The following EIF2B5 variants were observed in gnomAD, a reference collection of about 807,000 sequenced individuals.
EIF2B5 encodes the protein translation initiation factor eIF2B subunit epsilon.
Under a neutral mutation model 87.3 loss-of-function variants are expected in EIF2B5, and 38 were observed. The ratio of observed to expected loss-of-function variants is 0.44; its 90% CI spans 0.34 to 0.57. EIF2B5 has a LOEUF of 0.57. Among genes scored for constraint, EIF2B5 ranks in the 20% least tolerant of loss-of-function variants. The pLI is 0.02. For synonymous variants in EIF2B5, 313 were observed against 339.6 expected (o/e 0.92, Z 0.86); for missense variants, 784 against 909.5 (o/e 0.86, Z 1.78).
At chr3:184,140,297 AAAG>A in intron 6 of EIF2B5, 118 bp from the exon 7 acceptor site, 1 of 1,415,398 alleles carries the variant, frequency 7.1e-7, no homozygotes, top group Non-Finnish European at 1.0e-6. Context: ...AACAGTACAC[AAAG>A]AAGAATCTTT....
At position 184,137,765 on chromosome 3, in the gene EIF2B5, A is replaced by C; in HGVS notation, c.466A>C (p.Ile156Leu). 1 of 1,614,190 alleles carries C rather than the reference A, an allele frequency of 6.2e-7. No homozygotes were observed. Among genetic ancestry groups the C allele is most frequent in the Non-Finnish European group, 8.5e-7 (1 of 1,180,030 alleles). The change falls in exon 3 of 16, where the codon ATC (isoleucine) becomes CTC (leucine). Residue 156 changes from isoleucine (I) to leucine (L), a missense_variant. Physicochemically the swap from Ile to Leu is conservative, Grantham distance 5. This residue lies in a region of EIF2B5 where 660 missense variants were observed against 789.5 expected (regional missense o/e 0.84). Coordinates refer to ENST00000648915, the MANE Select transcript of EIF2B5 (RefSeq NM_003907.3). ...SDFLLVYGDV[I>L]SNINITRALE... ...CTTTCTTCTGGTGTATGGGGATGTCATCTCAAACATCAATATCACCAGAGC... is the reference window on the plus strand; with the variant it reads ...CTTTCTTCTGGTGTATGGGGATGTCCTCTCAAACATCAATATCACCAGAGC...
In EIF2B5 at chr3:184,140,519, C is replaced by T; in HGVS notation, c.945C>T (p.Arg315=). The change falls in exon 7 of 16, where the codon CGC becomes CGT. Residue 315 remains arginine (R), a synonymous_variant. Transcript: ENST00000648915. ...MYSAVCADVI[R]RWVYPLTPEA... is the part of the protein sequence containing the mutation. ...CAGCTGTCTGTGCTGACGTCATCCGCCGATGGGTCTACCCTCTCACCCCAG... is the reference window on the plus strand; with the variant it reads ...CAGCTGTCTGTGCTGACGTCATCCGTCGATGGGTCTACCCTCTCACCCCAG... 6.2e-7 allele frequency: 1 copy of T among 1,614,200 alleles called. No homozygotes were observed. Among genetic ancestry groups the T allele is most frequent in the Non-Finnish European group, 8.5e-7 (1 of 1,180,038 alleles).
chr3:184,135,460 A>C lies in EIF2B5; in HGVS notation c.75A>C (p.Gly25=), dbSNP rs1713303669. Residue 25 remains glycine, a synonymous_variant, in exon 1 of 16, where the codon GGA becomes GGC. Transcript: ENST00000648915. ...ACAAGCGCAGCGGCGCGGGGCCGGG[A>C]GGCAGCGGTGGCGGGGGAGCCAGAG... ...RANKRSGAGP[G]GSGGGGARGA... The C allele has an allele frequency of 6.3e-7, 1 of 1,581,280 alleles. No individual in the cohort carries two copies. Among genetic ancestry groups the C allele is most frequent in the African/African-American group, 1.3e-5 (1 of 74,672 alleles).
rs963477013 is a variant in EIF2B5, at chr3:184,144,910, A to G, written c.2133A>G (p.Lys711=). ...TGCAGAGGTTCATCCAGTGGCTAAA[A>G]GAGGCAGAAGAGGAGTCATCTGAAG... ...QQLQRFIQWL[K]EAEEESSEDD Residue 711 remains lysine, a synonymous_variant, in exon 16 of 16, where the codon AAA becomes AAG. Transcript: ENST00000648915. 4 of 1,613,766 alleles carry G rather than the reference A, an allele frequency of 2.5e-6. No homozygotes were observed. Among genetic ancestry groups the G allele is most frequent in the African/African-American group, 1.3e-5 (1 of 75,030 alleles).
chr3:184,135,618 G>A (rs774545561), intron 1 of EIF2B5, 38 bp downstream of exon 1: 1 of 1,560,944 alleles, frequency 6.4e-7, no homozygotes. Flanking sequence ...AGGGCAGGAA[G>A]GGTGGCAGGG....
intron 14 of EIF2B5, 95 bp downstream of exon 14, chr3:184,144,319 C>T: frequency 3.8e-6 from 6 of 1,565,554 alleles, no homozygotes; most frequent in East Asian, 2.2e-5. Context: ...TAATGTGAAT[C>T]CAGTATGGAC....
rs921060156 is a variant in EIF2B5, at chr3:184,142,092, G to A, written c.1302+22G>A. ...CCAGGTGAGACCTGATCTATACTGTGCACAGGCCCTGAATTGCATGGCAGT... is the reference window on the plus strand; with the variant it reads ...CCAGGTGAGACCTGATCTATACTGTACACAGGCCCTGAATTGCATGGCAGT... On this transcript the variant is annotated intron_variant, in intron 8 of 15. Transcript: ENST00000648915. The surrounding 1 kb of genome is among the most constrained non-coding windows in gnomAD (Gnocchi z 5.0). The A allele has an allele frequency of 6.2e-7, 1 of 1,614,126 alleles. No individual in the cohort carries two copies. The highest frequency in any genetic ancestry group is 8.5e-7 in the Non-Finnish European group (1 of 1,180,036).
In EIF2B5 at chr3:184,143,042, T is replaced by C; in HGVS notation, c.1655-10T>C. ...GTTGGCCCATGAACTTATCCTTGCT[T>C]TGATTTCAGTGTTCCAGAATGAAGT... On this transcript the variant is annotated splice_polypyrimidine_tract_variant and intron_variant, in intron 11 of 15. Transcript: ENST00000648915. The C allele has an allele frequency of 6.2e-7, 1 of 1,612,524 alleles. No homozygotes were observed. The highest frequency in any genetic ancestry group is 8.5e-7 in the Non-Finnish European group (1 of 1,179,314).
In EIF2B5 at chr3:184,135,483, G is replaced by C; in HGVS notation, c.98G>C (p.Arg33Thr). 2.5e-6 allele frequency: 4 copies of C among 1,579,668 alleles called. No homozygotes were observed. Among genetic ancestry groups the C allele is most frequent in the Non-Finnish European group, 3.4e-6 (4 of 1,163,732 alleles). ...GGAGGCAGCGGTGGCGGGGGAGCCA[G>C]AGGGGCGGAGGAGGAACCGCCGCCG... ...GPGGSGGGGA[R>T]GAEEEPPPPL... is the part of the protein sequence containing the mutation. The change falls in exon 1 of 16, where the codon AGA (arginine) becomes ACA (threonine). Residue 33 changes from arginine (R) to threonine (T), a missense_variant. Physicochemically the swap from Arg to Thr is moderately conservative, Grantham distance 71 (BLOSUM62 -1). Coordinates refer to ENST00000648915, the MANE Select transcript of EIF2B5 (RefSeq NM_003907.3).
At chr3:184,140,021 CAA>C (rs112477801) in intron 5 of EIF2B5, 57 bp from the exon 6 acceptor site, 28,890 of 1,114,242 alleles carry the variant, frequency 0.026, no homozygotes, top group East Asian at 0.03. Flanking sequence ...AGACTTGTCT[CAA>C]AAAAAAAAAA....
chr3:184,141,624 T>G (rs73045906), intron 7 of EIF2B5, among the ~76,000 whole-genome samples: 4,519 of 152,202 alleles, frequency 0.03, 82 homozygotes, highest in Middle Eastern at 0.058. Context: ...AATTATTTGG[T>G]TCTGCTTGTA....
At chr3:184,144,752 C>T (rs879877349) in intron 15 of EIF2B5, 45 bp downstream of exon 15, 3 of 1,594,778 alleles carry the variant, frequency 1.9e-6, no homozygotes, top group Non-Finnish European at 2.6e-6. Flanking sequence ...TATCTCATTC[C>T]CAGGTCCTGG....
chr3:184,139,456 T>C (rs1713521888), intron 5 of EIF2B5, among the ~76,000 whole-genome samples: 1 of 151,348 alleles, frequency 6.6e-6, no homozygotes, highest in South Asian at 2.1e-4. Flanking sequence ...AATTTTTGTA[T>C]TTTTAGTAGA....
Position 184,140,602 on chromosome 3 carries a change from A to C in EIF2B5, c.1028A>C (p.Tyr343Ser), listed in dbSNP as rs113994072. 2 of 1,614,112 alleles carry C rather than the reference A, an allele frequency of 1.2e-6. No homozygotes were observed. The highest frequency in any genetic ancestry group is 8.5e-7 in the Non-Finnish European group (1 of 1,180,014). ...QSCTHSRHNI[Y>S]RGPEVSLGHG... Reference sequence around the variant, plus strand: ...TGCACTCATTCCCGGCACAACATCTACCGAGGGCCTGAGGTCAGCCTGGGC... The same window carrying C: ...TGCACTCATTCCCGGCACAACATCTCCCGAGGGCCTGAGGTCAGCCTGGGC... Residue 343 changes from tyrosine (Y) to serine (S), a missense_variant, in exon 7 of 16, where the codon TAC becomes TCC. By Grantham distance (144) the Tyr-to-Ser change is moderately radical. Transcript: ENST00000648915.
At chr3:184,143,220 A>G (rs1713720955) in intron 12 of EIF2B5, 78 bp downstream of exon 12, 3 of 1,537,210 alleles carry the variant, frequency 2.0e-6, no homozygotes, top group African/African-American at 1.4e-5. Context: ...TTTGTCTCCA[A>G]ATAGGAACCT....
chr3:184,138,114 A>G (rs1713449544), intron 4 of EIF2B5, 39 bp downstream of exon 4: 3 of 1,614,112 alleles, frequency 1.9e-6, no homozygotes, highest in Middle Eastern at 1.7e-4. Context: ...TGGGGAAGTG[A>G]CAGGCTTCAG....
chr3:184,139,161 G>A (rs936158249), intron 5 of EIF2B5, among the ~76,000 whole-genome samples: 25 of 151,964 alleles, frequency 1.6e-4, no homozygotes, highest in Non-Finnish European at 2.8e-4. Context: ...AGTAGAGATG[G>A]GGTTTCACCA....
At chr3:184,140,955 C>T in intron 7 of EIF2B5, 1 of 594,460 alleles carries the variant, frequency 1.7e-6, no homozygotes, top group Non-Finnish European at 3.0e-6. Context: ...TCCAGGGTAC[C>T]CTGTAGTCAC....
intron 2 of EIF2B5, 138 bp downstream of exon 2, chr3:184,136,874 A>C: frequency 7.9e-7 from 1 of 1,264,518 alleles, no homozygotes; most frequent in Non-Finnish European, 1.1e-6. Flanking sequence ...GGTATTTTCT[A>C]CACTTATCAG....
Sources: gnomAD v4.1 joint callset for allele counts (sites outside exome capture counted in the v4.1 genomes callset) on GRCh38, gnomAD v4.1.1 for gene constraint, gnomAD v4.1.1 regional missense constraint, Gnocchi (gnomAD v3.1) non-coding constraint, MANE v1.5 for transcripts, NCBI Gene and HGNC (gene_info 2026-07-23, HGNC 2026-07-21) for gene names.